The following CTBP2 variants were observed in gnomAD, a reference collection of about 807,000 sequenced individuals.
CTBP2 encodes the protein C-terminal-binding protein 2.
CTBP2 carries 30 observed loss-of-function variants against 80.3 expected under a neutral mutation model. That is an observed-to-expected ratio of 0.37 (90% CI 0.28 to 0.51). CTBP2 has a LOEUF of 0.51. Ranked by LOEUF, CTBP2 falls within the 20% of genes least tolerant of loss-of-function variation. The pLI is 0.93. For missense variants in CTBP2, 1,212 were observed against 1,375.3 expected (o/e 0.88, Z 1.88); for synonymous variants, 594 against 587.4 (o/e 1.01, Z -0.16).
rs773977335 is a variant in CTBP2 at position 124,984,781 on chromosome 10, A to G, written c.*4737T>C. On this transcript the variant is annotated 3_prime_UTR_variant, in exon 9 of 9. Coordinates refer to ENST00000309035, the MANE Select transcript of CTBP2 (RefSeq NM_022802.3). ...TTCATATTCCTCCAAAAGCTAGGTA[A>G]TGAGGAACAGCAAGAAAAACTGCTC... 6.2e-7 allele frequency: 1 copy of G among 1,613,408 alleles called. No individual in the cohort carries two copies. Among genetic ancestry groups the G allele is most frequent in the Non-Finnish European group, 8.5e-7 (1 of 1,179,614 alleles).
intron 1 of CTBP2, among the ~76,000 whole-genome samples, chr10:125,004,134 C>CA (rs1352833636): frequency 2.6e-5 from 4 of 152,346 alleles, no homozygotes; most frequent in African/African-American, 9.6e-5. Flanking sequence ...GGTGAAGGGA[C>CA]AGCTGTGAGG....
intron 2 of CTBP2, among the ~76,000 whole-genome samples, chr10:125,099,757 C>T (rs1474430086): frequency 1.3e-5 from 2 of 152,242 alleles, no homozygotes; most frequent in East Asian, 1.9e-4. Context: ...TTCAGGTCCA[C>T]GGTCTCTTTC....
intron 1 of CTBP2, among the ~76,000 whole-genome samples, chr10:125,146,768 A>G (rs2133344045): frequency 6.6e-6 from 1 of 152,326 alleles, no homozygotes; most frequent in South Asian, 2.1e-4. Flanking sequence ...AGAGCAGTTA[A>G]CACTGGCTGG....
At chr10:125,040,775 G>C (rs1048370316) in intron 2 of CTBP2, among the ~76,000 whole-genome samples, 2 of 152,176 alleles carry the variant, frequency 1.3e-5, no homozygotes, top group African/African-American at 4.8e-5. Context: ...CAGACTGCAG[G>C]TCTACCAGGT....
intron 2 of CTBP2, among the ~76,000 whole-genome samples, chr10:125,040,850 G>A (rs1487763388): frequency 2.0e-5 from 3 of 152,164 alleles, no homozygotes; most frequent in Non-Finnish European, 4.4e-5. Context: ...GATTTATGGC[G>A]ATAATTACGT....
At chr10:125,130,733 A>G (rs12772313) in intron 1 of CTBP2, among the ~76,000 whole-genome samples, 2 of 152,206 alleles carry the variant, frequency 1.3e-5, no homozygotes, top group Non-Finnish European at 2.9e-5. Context: ...TGGGGAAGGT[A>G]CAATAAAAGC....
intron 3 of CTBP2, among the ~76,000 whole-genome samples, 188 bp downstream of exon 5, chr10:125,002,772 T>A (rs1432180054): frequency 6.6e-6 from 1 of 152,186 alleles, no homozygotes; most frequent in Non-Finnish European, 1.5e-5. Flanking sequence ...CAGCAGGGAC[T>A]ATCCTACCTG....
At chr10:125,147,088 C>G (rs1009524784) in intron 1 of CTBP2, among the ~76,000 whole-genome samples, 7 of 152,192 alleles carry the variant, frequency 4.6e-5, no homozygotes, top group African/African-American at 1.7e-4. Context: ...GGCAAACGCA[C>G]CCATTCCTCA....
At chr10:125,093,382 T>A (rs2066034432) in intron 2 of CTBP2, among the ~76,000 whole-genome samples, 1 of 152,228 alleles carries the variant, frequency 6.6e-6, no homozygotes, top group South Asian at 2.1e-4. Flanking sequence ...TGAGAGAACA[T>A]TCTAGCCACT....
At chr10:125,053,027 C>T (rs998834) in intron 2 of CTBP2, among the ~76,000 whole-genome samples, 22,882 of 152,168 alleles carry the variant, frequency 0.15, 2,028 homozygotes, top group African/African-American at 0.24. Context: ...CCGCTGACCC[C>T]AAGTGTACTT....
At chr10:125,036,945 C>G (rs779272876) in intron 3 of CTBP2, among the ~76,000 whole-genome samples, 7 of 152,130 alleles carry the variant, frequency 4.6e-5, no homozygotes, top group Non-Finnish European at 8.8e-5. Flanking sequence ...GGAGCACCAA[C>G]AAAGCACTTG....
intron 1 of CTBP2, among the ~76,000 whole-genome samples, chr10:125,130,852 T>C (rs1158727107): frequency 6.6e-6 from 1 of 152,226 alleles, no homozygotes; most frequent in Non-Finnish European, 1.5e-5. Context: ...CCCCTCATTT[T>C]AGAGGGAGGC....
chr10:125,050,234 T>A (rs1962390346), intron 2 of CTBP2, among the ~76,000 whole-genome samples: 1 of 152,216 alleles, frequency 6.6e-6, no homozygotes, highest in South Asian at 2.1e-4. Context: ...GGGGCACCGG[T>A]ACCCTGTCTC....
chr10:125,049,476 C>T (rs1962195627), intron 2 of CTBP2, among the ~76,000 whole-genome samples: 1 of 152,220 alleles, frequency 6.6e-6, no homozygotes, highest in Admixed American at 6.5e-5. Flanking sequence ...TCCACCTTCT[C>T]TTCATGGCTC....
chr10:125,010,077 G>A (rs1227770645), intron 1 of CTBP2, among the ~76,000 whole-genome samples: 1 of 152,184 alleles, frequency 6.6e-6, no homozygotes, highest in Non-Finnish European at 1.5e-5. Flanking sequence ...AGAGAAGACT[G>A]CGGGCAACAG....
Position 125,026,277 on chromosome 10 carries a change from G to A in CTBP2, c.1483C>T (p.Arg495Cys), listed in dbSNP as rs1293143171. The A allele has an allele frequency of 1.4e-5, 23 of 1,613,728 alleles. No homozygotes were observed. Among genetic ancestry groups the A allele is most frequent in the East Asian group, 1.3e-4 (6 of 44,880 alleles). ...GGCAGCGGAGAGGCGGCCACGTTGC[G>A]CTCCCTCTTTAGCAGCTCCATGGGC... The change falls in exon 1 of 9, where the codon CGC (arginine) becomes TGC (cysteine). Residue 495 changes from arginine to cysteine, a missense_variant. Physicochemically the swap from Arg to Cys is radical, Grantham distance 180 (BLOSUM62 -3). Transcript: ENST00000309035.
At chr10:125,090,444 A>G (rs1359880436) in intron 2 of CTBP2, among the ~76,000 whole-genome samples, 1 of 150,474 alleles carries the variant, frequency 6.6e-6, no homozygotes, top group Non-Finnish European at 1.5e-5. Context: ...ATATGGAATA[A>G]TAATGGTTAT....
At chr10:125,060,609 C>T (rs796185374) in intron 2 of CTBP2, among the ~76,000 whole-genome samples, 14 of 152,276 alleles carry the variant, frequency 9.2e-5, no homozygotes, top group African/African-American at 3.1e-4. Context: ...CAGCAGGGAA[C>T]GTTCCCGAGT....
At chr10:125,049,268 C>A (rs967580469) in intron 2 of CTBP2, among the ~76,000 whole-genome samples, 1 of 152,084 alleles carries the variant, frequency 6.6e-6, no homozygotes, top group Non-Finnish European at 1.5e-5. Flanking sequence ...CTAATTCAGT[C>A]CCCACCGTCA....
Sources: allele counts gnomAD v4.1 joint callset (sites outside exome capture counted in the v4.1 genomes callset), GRCh38; gene constraint gnomAD v4.1.1; transcripts MANE v1.5; gene names NCBI Gene and HGNC (gene_info 2026-07-23, HGNC 2026-07-21).